Variants in LRFN2 observed in about 807,000 individuals in gnomAD.
LRFN2 encodes leucine-rich repeat and fibronectin type-III domain-containing protein 2.
A neutral mutation model predicts 37.3 loss-of-function variants in LRFN2; 18 were observed. The ratio of observed to expected loss-of-function variants is 0.48; its 90% CI spans 0.33 to 0.72. The LOEUF (loss-of-function observed/expected upper bound fraction) is 0.72. LRFN2 is among the 30% of genes least tolerant of loss of function. The pLI is 0.02. For missense variants in LRFN2, 1,006 were observed against 1,060.7 expected (o/e 0.95, Z 0.72); for synonymous variants, 556 against 466.6 (o/e 1.19, Z -2.47).
At chr6:40,470,520 G>T (rs1255311752) in intron 1 of LRFN2, among the ~76,000 whole-genome samples, 1 of 151,950 alleles carries the variant, frequency 6.6e-6, no homozygotes, top group Non-Finnish European at 1.5e-5. Context: ...TGAGGCAGGA[G>T]AATCGCTTGA....
At chr6:40,443,635 C>T (rs761363747) in intron 1 of LRFN2, among the ~76,000 whole-genome samples, 2 of 152,206 alleles carry the variant, frequency 1.3e-5, no homozygotes, top group African/African-American at 4.8e-5. Flanking sequence ...TTGCTGTCCT[C>T]TGTCCCTGCA....
chr6:40,579,510 A>G (rs1196634506), intron 1 of LRFN2, among the ~76,000 whole-genome samples: 1 of 77,482 alleles, frequency 1.3e-5, no homozygotes, highest in Non-Finnish European at 2.5e-5. Context: ...CCATATAATC[A>G]CCATCATCAT....
At chr6:40,448,667 A>G (rs563012225) in intron 1 of LRFN2, among the ~76,000 whole-genome samples, 2 of 152,322 alleles carry the variant, frequency 1.3e-5, no homozygotes, top group South Asian at 4.1e-4. Flanking sequence ...TTTAGGCACT[A>G]TCTCCTGACT....
At chr6:40,421,301 G>A (rs1763223844) in intron 2 of LRFN2, among the ~76,000 whole-genome samples, 2 of 152,186 alleles carry the variant, frequency 1.3e-5, no homozygotes, top group Admixed American at 6.5e-5. Flanking sequence ...CCAAGGTTAA[G>A]GACATGCCCA....
chr6:40,574,511 A>G (rs139285177), intron 1 of LRFN2, among the ~76,000 whole-genome samples: 73 of 152,058 alleles, frequency 4.8e-4, no homozygotes, highest in African/African-American at 1.7e-3. Flanking sequence ...GTTTGTGTCC[A>G]TCACGGGGTG....
intron 1 of LRFN2, among the ~76,000 whole-genome samples, chr6:40,574,980 G>A (rs940349868): frequency 6.6e-6 from 1 of 152,216 alleles, no homozygotes; most frequent in Admixed American, 6.5e-5. Context: ...AGGGAGATAA[G>A]TGTCTGGGCC....
rs531694753 is a variant in LRFN2 at position 40,411,152 on chromosome 6, T to C, written c.1401-18240A>G. Among the ~76,000 whole-genome samples, 44 of 152,320 alleles carry C rather than the reference T, an allele frequency of 2.9e-4. 1 individual carries two copies. The South Asian group carries it at 9.1e-3, about 32-fold the overall frequency. On this transcript the variant is annotated intron_variant, in intron 2 of 2. Transcript: ENST00000338305. ...CTCCAGCACTGTTTATTGAGGTGCATGGGTCTGAAGCCCCAGAAATTGGCT... is the reference window on the plus strand; with the variant it reads ...CTCCAGCACTGTTTATTGAGGTGCACGGGTCTGAAGCCCCAGAAATTGGCT...
At chr6:40,488,096 AG>A (rs1329910572) in intron 1 of LRFN2, among the ~76,000 whole-genome samples, 2 of 152,202 alleles carry the variant, frequency 1.3e-5, no homozygotes, top group Admixed American at 1.3e-4. Context: ...CAACCAAAAA[AG>A]GCCATAAAGT....
intron 1 of LRFN2, among the ~76,000 whole-genome samples, chr6:40,488,890 AAGTT>A (rs1765027891): frequency 6.6e-6 from 1 of 152,164 alleles, no homozygotes; most frequent in Non-Finnish European, 1.5e-5. Context: ...GAAGTGTAAA[AAGTT>A]AGGAGCAAAC....
intron 1 of LRFN2, among the ~76,000 whole-genome samples, chr6:40,536,533 G>T (rs1440887010): frequency 6.6e-6 from 1 of 152,148 alleles, no homozygotes. Flanking sequence ...TCAGTGAAGG[G>T]ACTGAAGGGC....
intron 1 of LRFN2, among the ~76,000 whole-genome samples, chr6:40,546,089 G>A (rs936929053): frequency 2.6e-5 from 4 of 152,016 alleles, no homozygotes; most frequent in Non-Finnish European, 5.9e-5. Context: ...GAGGGACCAG[G>A]CTGCCTGGCT....
intron 1 of LRFN2, among the ~76,000 whole-genome samples, chr6:40,518,614 C>T (rs976380594): frequency 6.6e-6 from 1 of 152,296 alleles, no homozygotes; most frequent in East Asian, 1.9e-4. Context: ...AGCTGGCTAG[C>T]ATCATTTCTA....
chr6:40,395,933 A>G (rs2113792662), intron 2 of LRFN2, among the ~76,000 whole-genome samples: 1 of 152,314 alleles, frequency 6.6e-6, no homozygotes, highest in Middle Eastern at 3.4e-3. Context: ...GTTGTGTAAC[A>G]TAGGTTTCCA....
chr6:40,503,814 T>C (rs1363270977), intron 1 of LRFN2, among the ~76,000 whole-genome samples: 1 of 152,082 alleles, frequency 6.6e-6, no homozygotes, highest in African/African-American at 2.4e-5. Context: ...CAAATGCTGC[T>C]GAGAAGTCAG....
Position 40,432,664 on chromosome 6 carries a change from T to C in LRFN2, c.450A>G (p.Thr150=), listed in dbSNP as rs1407464492. 6.2e-7 allele frequency: 1 copy of C among 1,614,128 alleles called. No individual in the cohort carries two copies. The highest frequency in any genetic ancestry group is 1.3e-5 in the African/African-American group (1 of 75,050). Residue 150 remains threonine (T), a synonymous_variant, in exon 2 of 3, where the codon ACA becomes ACG. Transcript: ENST00000338305. ...TGTAGGAGAGGTCCAGATCCTCCAA[T>C]GTCAGCAGGAAGTCCTCAAAAGCCT... The part of the protein sequence containing the change: ...ADEAFEDFLL[T]LEDLDLSYNN...
At chr6:40,496,758 T>C (rs746941451) in intron 1 of LRFN2, among the ~76,000 whole-genome samples, 12 of 152,160 alleles carry the variant, frequency 7.9e-5, no homozygotes, top group Admixed American at 2.0e-4. Flanking sequence ...TGTTATCCTC[T>C]GCTTCCTCCT....
intron 1 of LRFN2, among the ~76,000 whole-genome samples, chr6:40,511,285 T>C (rs1765702367): frequency 6.6e-6 from 1 of 152,216 alleles, no homozygotes; most frequent in African/African-American, 2.4e-5. Flanking sequence ...AGATGCTACA[T>C]TTCACTGAAT....
At chr6:40,463,482 C>A (rs1204841153) in intron 1 of LRFN2, among the ~76,000 whole-genome samples, 1 of 152,008 alleles carries the variant, frequency 6.6e-6, no homozygotes, top group Non-Finnish European at 1.5e-5. Flanking sequence ...AAAAACTTTT[C>A]CCATTTGCTC....
chr6:40,404,310 G>A (rs1396277608), intron 2 of LRFN2, among the ~76,000 whole-genome samples: 1 of 147,542 alleles, frequency 6.8e-6, no homozygotes, highest in African/African-American at 2.5e-5. Context: ...GTTTTTTTTT[G>A]CCTGTTTTGT....
Sources: allele counts gnomAD v4.1 joint callset (sites outside exome capture counted in the v4.1 genomes callset), GRCh38; gene constraint gnomAD v4.1.1; transcripts MANE v1.5; gene names NCBI Gene and HGNC (gene_info 2026-07-23, HGNC 2026-07-21).